NKAIN3: variants seen among roughly 807,000 people sequenced by gnomAD.
The protein encoded by NKAIN3 is sodium/potassium-transporting ATPase subunit beta-1-interacting protein 3.
A neutral mutation model predicts 30.2 loss-of-function variants in NKAIN3; 25 were observed. The ratio of observed to expected loss-of-function variants is 0.83; its 90% CI spans 0.60 to 1.16. The LOEUF is 1.16. NKAIN3 is among the 50% of genes most tolerant of loss of function. The probability of loss-of-function intolerance (pLI) is 0.00; values close to 1 mark genes in which losing one functional copy is unlikely to be tolerated. For missense variants in NKAIN3, 225 were observed against 254.1 expected, an observed-to-expected ratio of 0.89 and a Z score of 0.78; for synonymous variants, 91 against 89.6, an observed-to-expected ratio of 1.02 and a Z score of -0.09.
intron 3 of NKAIN3, among the ~76,000 whole-genome samples, chr8:62,713,069 G>A (rs1814773030): frequency 6.6e-6 from 1 of 152,152 alleles, no homozygotes; most frequent in Admixed American, 6.5e-5. Context: ...GGCACTCACA[G>A]TATTTGGGGT....
intron 1 of NKAIN3, among the ~76,000 whole-genome samples, chr8:62,488,851 A>G (rs1806982471): frequency 6.6e-6 from 1 of 152,142 alleles, no homozygotes; most frequent in Non-Finnish European, 1.5e-5. Flanking sequence ...TTCCAGGACT[A>G]CAAACTATTG....
chr8:62,266,670 A>C (rs1019461910), intron 1 of NKAIN3, among the ~76,000 whole-genome samples: 5 of 152,128 alleles, frequency 3.3e-5, no homozygotes, highest in Non-Finnish European at 7.4e-5. Flanking sequence ...GTTGAGGACT[A>C]GCTAAAACAG....
rs190221709 is a variant in NKAIN3 at position 62,810,390 on chromosome 8, G to A, written c.471+63261G>A. Reference sequence around the variant, plus strand: ...GGTAAAAAAGTGTTTTATTTATGGTGTGCAAGCATGGGAATGAGAAGGTCT... The same window carrying A: ...GGTAAAAAAGTGTTTTATTTATGGTATGCAAGCATGGGAATGAGAAGGTCT... On this transcript the variant is annotated intron_variant, in intron 4 of 6. Transcript: ENST00000623646. Among the ~76,000 whole-genome samples, 254 of 152,152 alleles carry A rather than the reference G, an allele frequency of 1.7e-3. 1 individual carries two copies. Among genetic ancestry groups the A allele is most frequent in the African/African-American group, 5.9e-3 (247 of 41,522 alleles).
At chr8:62,990,811 T>C (rs919225347) in intron 5 of NKAIN3, 4 of 152,216 alleles carry the variant, frequency 2.6e-5, no homozygotes, top group African/African-American at 9.6e-5. Flanking sequence ...CATTGTAAAC[T>C]TGGAGCAAAA....
intron 5 of NKAIN3, among the ~76,000 whole-genome samples, chr8:62,938,463 C>A (rs1442485614): frequency 6.6e-6 from 1 of 152,084 alleles, no homozygotes; most frequent in African/African-American, 2.4e-5. Context: ...GTGCACTAAA[C>A]AAAACCATAA....
chr8:62,879,492 G>A (rs1006069762), intron 4 of NKAIN3, among the ~76,000 whole-genome samples: 7 of 152,108 alleles, frequency 4.6e-5, no homozygotes, highest in African/African-American at 1.4e-4. Context: ...GGTTTCTTTT[G>A]CTGTGCAGAA....
chr8:62,401,674 C>T (rs928027427), intron 1 of NKAIN3, among the ~76,000 whole-genome samples: 1 of 152,184 alleles, frequency 6.6e-6, no homozygotes, highest in African/African-American at 2.4e-5. Context: ...CTCGAAGGAT[C>T]TTGATGACTC....
chr8:62,367,384 A>G (rs1238325055), intron 1 of NKAIN3, among the ~76,000 whole-genome samples: 1 of 152,216 alleles, frequency 6.6e-6, no homozygotes, highest in African/African-American at 2.4e-5. Context: ...ATCAAATGTG[A>G]TTTATTTTGG....
At chr8:62,907,380 G>A (rs779925432) in intron 4 of NKAIN3, among the ~76,000 whole-genome samples, 45 of 152,200 alleles carry the variant, frequency 3.0e-4, no homozygotes, top group Non-Finnish European at 2.1e-4. Flanking sequence ...GCAGGCTGAT[G>A]ATGCAATTCA....
At chr8:62,324,597 AAG>A (rs1301601115) in intron 1 of NKAIN3, among the ~76,000 whole-genome samples, 5 of 152,154 alleles carry the variant, frequency 3.3e-5, no homozygotes, top group African/African-American at 1.2e-4. Flanking sequence ...TATTCATTAC[AAG>A]AGAGAGCTAA....
chr8:62,803,042 T>A (rs557992285), intron 4 of NKAIN3, among the ~76,000 whole-genome samples: 1 of 152,160 alleles, frequency 6.6e-6, no homozygotes, highest in African/African-American at 2.4e-5. Flanking sequence ...GGTAAAGGGA[T>A]CAATTCAACA....
At chr8:62,548,098 C>T (rs2129922008) in intron 1 of NKAIN3, among the ~76,000 whole-genome samples, 1 of 152,242 alleles carries the variant, frequency 6.6e-6, no homozygotes, top group Non-Finnish European at 1.5e-5. Context: ...TCTCATAGAA[C>T]CTGTCCACTC....
intron 3 of NKAIN3, among the ~76,000 whole-genome samples, chr8:62,689,844 T>C (rs908069185): frequency 4.6e-5 from 7 of 151,914 alleles, no homozygotes; most frequent in African/African-American, 1.7e-4. Context: ...AAAGTCTCAG[T>C]TGGACCTGAA....
chr8:62,407,621 T>C (rs372178082), intron 1 of NKAIN3, among the ~76,000 whole-genome samples: 193 of 152,282 alleles, frequency 1.3e-3, no homozygotes, highest in African/African-American at 4.5e-3. Flanking sequence ...TTAGTTGAGT[T>C]GGGGTTTCAC....
In NKAIN3 at chr8:62,900,665, T is replaced by C. The variant is rs1162397729; in HGVS notation, c.472-17788T>C. ...CAAAATAGTATCCAACTAAACCCTGTGCTAAGCACTAGATATCCATTATCT... is the reference window on the plus strand; with the variant it reads ...CAAAATAGTATCCAACTAAACCCTGCGCTAAGCACTAGATATCCATTATCT... On this transcript the variant is annotated intron_variant, in intron 4 of 6. Coordinates refer to ENST00000623646, the MANE Select transcript of NKAIN3 (RefSeq NM_001304533.3). Among the ~76,000 whole-genome samples, 4 of 152,380 alleles carry C rather than the reference T, an allele frequency of 2.6e-5. No homozygotes were observed. In the East Asian group the frequency reaches 7.7e-4, roughly 29 times the overall value.
intron 1 of NKAIN3, among the ~76,000 whole-genome samples, chr8:62,285,340 T>G (rs1345596936): frequency 2.0e-5 from 3 of 152,204 alleles, no homozygotes; most frequent in African/African-American, 7.2e-5. Flanking sequence ...TGTGCTTACC[T>G]ACAGAAATAG....
intron 1 of NKAIN3, among the ~76,000 whole-genome samples, chr8:62,395,230 C>T (rs577687332): frequency 5.1e-4 from 68 of 133,902 alleles, no homozygotes; most frequent in South Asian, 2.5e-4. Flanking sequence ...GAGGGAGGTG[C>T]GGGGAGAGGT....
At chr8:62,670,231 G>A (rs1462006407) in intron 3 of NKAIN3, among the ~76,000 whole-genome samples, 1 of 152,134 alleles carries the variant, frequency 6.6e-6, no homozygotes, top group Admixed American at 6.6e-5. Flanking sequence ...TTTATTATGT[G>A]TGTGTGGCTT....
chr8:62,688,555 A>T (rs190602431), intron 3 of NKAIN3, among the ~76,000 whole-genome samples: 45 of 152,354 alleles, frequency 3.0e-4, no homozygotes, highest in African/African-American at 1.1e-3. Context: ...AGTATAGCAG[A>T]GAATAAAACA....
Sources: allele counts gnomAD v4.1 joint callset (sites outside exome capture counted in the v4.1 genomes callset), GRCh38; gene constraint gnomAD v4.1.1; transcripts MANE v1.5; gene names NCBI Gene and HGNC (gene_info 2026-07-23, HGNC 2026-07-21).